Variants in SRPX observed in about 807,000 individuals in gnomAD.
SRPX encodes sushi repeat-containing protein SRPX.
Under a neutral mutation model 38.1 loss-of-function variants are expected in SRPX, and 24 were observed. The observed-to-expected ratio is 0.63, with a 90% CI of 0.46 to 0.89. The LOEUF (loss-of-function observed/expected upper bound fraction) is 0.89, where lower values mean the gene tolerates loss of function less well. SRPX is among the 40% of genes least tolerant of loss of function. SRPX has a pLI of 0.00. For missense variants in SRPX, 416 were observed against 377.8 expected (o/e 1.10, Z -0.84); for synonymous variants, 184 against 153.8 (o/e 1.20, Z -1.45).
At chrX:38,178,559 C>A (rs758706269) in intron 1 of SRPX, among the ~76,000 whole-genome samples, 2 of 111,607 alleles carry the variant, frequency 1.8e-5, no homozygotes, top group African/African-American at 6.5e-5. Flanking sequence ...GCAAAATGAG[C>A]CTCAAACTGT....
intron 1 of SRPX, among the ~76,000 whole-genome samples, chrX:38,215,701 CA>C (rs1939412914): frequency 8.9e-6 from 1 of 112,145 alleles, no homozygotes; most frequent in Non-Finnish European, 1.9e-5. Flanking sequence ...TTACTTCAAT[CA>C]ATTAATCCAC....
chrX:38,168,875 G>A (rs1053726483), intron 4 of SRPX, among the ~76,000 whole-genome samples: 1 of 112,136 alleles, frequency 8.9e-6, no homozygotes, highest in Non-Finnish European at 1.9e-5. Flanking sequence ...GATCATAGCC[G>A]GGTGTGGTGG....
chrX:38,172,081 T>A, intron 3 of SRPX, 24 bp from the exon 4 acceptor site: 1 of 1,197,341 alleles, frequency 8.4e-7, no homozygotes, highest in Non-Finnish European at 1.1e-6. Flanking sequence ...AATCAGATAT[T>A]CAGCATTTCT....
At chrX:38,156,740 G>A (rs937132541) in intron 8 of SRPX, among the ~76,000 whole-genome samples, 156 bp downstream of exon 8, 10 of 112,451 alleles carry the variant, frequency 8.9e-5, no homozygotes, top group African/African-American at 2.9e-4. Flanking sequence ...TTATGGCCCA[G>A]AACCAGAAAT....
Position 38,174,209 on chromosome X carries a change from T to C in SRPX, c.300A>G (p.Leu100=). The C allele has an allele frequency of 8.8e-7, 1 of 1,139,007 alleles. No individual in the cohort carries two copies. The highest frequency in any genetic ancestry group is 1.2e-6 in the Non-Finnish European group (1 of 861,491). The allele number at this position is 1,139,007 out of a possible 1,213,427, so 93.9% of individuals were successfully genotyped here. ...QKGYELHGSS[L]LICQSNKRWS... The stretch of plus-strand genomic sequence containing the variant: ...ATCGTTTGTTTGACTGGCAGATCAG[T>C]AGGGAAGAGCCATGCAGCTCGTAGC... Residue 100 remains leucine, a synonymous_variant, in exon 3 of 10, where the codon CTA becomes CTG. Coordinates refer to ENST00000378533, the MANE Select transcript of SRPX (RefSeq NM_006307.5).
chrX:38,173,249 A>C (rs1296713234), intron 3 of SRPX, among the ~76,000 whole-genome samples: 1 of 112,250 alleles, frequency 8.9e-6, no homozygotes, highest in Non-Finnish European at 1.9e-5. Flanking sequence ...TACCAAAGAC[A>C]TCTAAAATGT....
At chrX:38,152,624 T>A (rs1318608105) in intron 9 of SRPX, among the ~76,000 whole-genome samples, 1 of 112,584 alleles carries the variant, frequency 8.9e-6, no homozygotes, top group Non-Finnish European at 1.9e-5. Flanking sequence ...TTAAAAATTA[T>A]CTTCAGCCTA....
intron 1 of SRPX, among the ~76,000 whole-genome samples, chrX:38,200,921 T>A (rs1378125489): frequency 8.9e-6 from 1 of 112,081 alleles, no homozygotes; most frequent in African/African-American, 3.2e-5. Context: ...TTTATTGATA[T>A]TAGCTCATTT....
chrX:38,219,823 T>G (rs763097656), intron 1 of SRPX, among the ~76,000 whole-genome samples: 6 of 112,514 alleles, frequency 5.3e-5, no homozygotes, highest in Non-Finnish European at 9.4e-5. Flanking sequence ...AACGCATCCA[T>G]GGATTTCCTC....
chrX:38,164,698 T>A (rs902882191), intron 5 of SRPX, 71 bp downstream of exon 5: 23 of 1,129,831 alleles, frequency 2.0e-5, no homozygotes, highest in Middle Eastern at 2.7e-4. Context: ...ATATATACAC[T>A]CCCCTACTCT....
chrX:38,219,155 A>C (rs1939467281), intron 1 of SRPX, among the ~76,000 whole-genome samples: 1 of 110,620 alleles, frequency 9.0e-6, no homozygotes, highest in South Asian at 3.9e-4. Context: ...GTACTATATA[A>C]AGGTGGAAGA....
At chrX:38,217,532 C>T (rs947269076) in intron 1 of SRPX, among the ~76,000 whole-genome samples, 2 of 111,704 alleles carry the variant, frequency 1.8e-5, no homozygotes, top group African/African-American at 6.5e-5. Flanking sequence ...TAGAAGCAAA[C>T]TGTGTAGCCC....
chrX:38,176,626 T>G (rs1458324622), intron 2 of SRPX, among the ~76,000 whole-genome samples: 3 of 110,874 alleles, frequency 2.7e-5, no homozygotes, highest in Non-Finnish European at 3.8e-5. Context: ...AACCCCTGTC[T>G]GTACTAAAAA....
chrX:38,182,544 CTT>C (rs1938691614), intron 1 of SRPX, among the ~76,000 whole-genome samples: 2 of 111,773 alleles, frequency 1.8e-5, no homozygotes, highest in African/African-American at 6.5e-5. Context: ...CATGATGACT[CTT>C]AAGTCAAAAA....
intron 1 of SRPX, among the ~76,000 whole-genome samples, chrX:38,206,346 G>A (rs1273290072): frequency 9.8e-5 from 11 of 112,055 alleles, no homozygotes; most frequent in East Asian, 2.8e-4. Flanking sequence ...GAGATGAGCC[G>A]TCCCCCAAAG....
chrX:38,164,667 T>C (rs538744331), intron 5 of SRPX, 102 bp downstream of exon 5: 1 of 954,789 alleles, frequency 1.0e-6, no homozygotes, highest in Non-Finnish European at 1.4e-6. Context: ...GGACCACATC[T>C]GAAAGCATAA....
intron 1 of SRPX, among the ~76,000 whole-genome samples, chrX:38,195,471 C>A (rs1286853612): frequency 9.4e-6 from 1 of 106,823 alleles, no homozygotes; most frequent in Non-Finnish European, 1.9e-5. Context: ...TCAAGCAGAG[C>A]AATTAAAATA....
chrX:38,159,228 A>G (rs1469394096), intron 7 of SRPX, among the ~76,000 whole-genome samples: 1 of 112,040 alleles, frequency 8.9e-6, no homozygotes, highest in Non-Finnish European at 1.9e-5. Context: ...GGAGTCTATA[A>G]TAGGTGTGTT....
chrX:38,153,302 C>CTTTT (rs58888978), intron 9 of SRPX, among the ~76,000 whole-genome samples: 222 of 54,605 alleles, frequency 4.1e-3, no homozygotes, highest in East Asian at 0.021. Context: ...TTCTTTCTTT[C>CTTTT]TTTTTTTTTT....
Sources: allele counts gnomAD v4.1 joint callset (sites outside exome capture counted in the v4.1 genomes callset), GRCh38; gene constraint gnomAD v4.1.1; transcripts MANE v1.5; gene names NCBI Gene and HGNC (gene_info 2026-07-23, HGNC 2026-07-21).